ZFHX3: variants seen among roughly 807,000 people sequenced by gnomAD.
ZFHX3 encodes zinc finger homeobox 3.
A neutral mutation model predicts 279.1 loss-of-function variants in ZFHX3; 42 were observed. The ratio of observed to expected loss-of-function variants is 0.15; its 90% confidence interval spans 0.12 to 0.19. ZFHX3 has a LOEUF of 0.19. Among genes scored for constraint, ZFHX3 ranks in the 10% least tolerant of loss-of-function variants. ZFHX3 has a pLI of 1.00. For synonymous variants in ZFHX3, 2,293 were observed against 1,957.8 expected, an observed-to-expected ratio of 1.17 and a Z score of -4.52; for missense variants, 4,981 against 4,754.0, an observed-to-expected ratio of 1.05 and a Z score of -1.40.
chr16:72,867,284 C>T (rs1275604602), intron 4 of ZFHX3, among the ~76,000 whole-genome samples: 1 of 152,168 alleles, frequency 6.6e-6, no homozygotes, highest in East Asian at 1.9e-4. Flanking sequence ...AGTGGTTACA[C>T]AAAATTTAGA....
chr16:73,002,836 A>C (rs192145620), intron 1 of ZFHX3, among the ~76,000 whole-genome samples: 1 of 152,242 alleles, frequency 6.6e-6, no homozygotes, highest in South Asian at 2.1e-4. Context: ...ACATTTTTGC[A>C]AACTTTTAAG....
At chr16:73,197,686 C>A (rs1433386306) in intron 5 of ZFHX3, among the ~76,000 whole-genome samples, 1 of 152,158 alleles carries the variant, frequency 6.6e-6, no homozygotes, top group Non-Finnish European at 1.5e-5. Context: ...TATAGGCAGA[C>A]ACAGCCTGAG....
At chr16:72,940,174 T>C (rs975341419) in intron 3 of ZFHX3, among the ~76,000 whole-genome samples, 3 of 152,158 alleles carry the variant, frequency 2.0e-5, no homozygotes, top group Non-Finnish European at 4.4e-5. Flanking sequence ...AGCCTCCCTG[T>C]GTTGAGTTTA....
intron 1 of ZFHX3, among the ~76,000 whole-genome samples, chr16:73,857,392 A>T (rs545211975): frequency 1.3e-5 from 2 of 152,230 alleles, no homozygotes; most frequent in Non-Finnish European, 2.9e-5. Flanking sequence ...GTGATTGTTT[A>T]TAAAGACTCC....
At chr16:73,387,690 T>A (rs1422398953) in intron 3 of ZFHX3, among the ~76,000 whole-genome samples, 2 of 152,036 alleles carry the variant, frequency 1.3e-5, no homozygotes, top group African/African-American at 4.8e-5. Flanking sequence ...CAGATGTGCC[T>A]CAAGAGGGCT....
chr16:73,756,924 G>T (rs1354136046), intron 1 of ZFHX3, among the ~76,000 whole-genome samples: 1 of 152,112 alleles, frequency 6.6e-6, no homozygotes, highest in Non-Finnish European at 1.5e-5. Flanking sequence ...ACATTATGGG[G>T]ACTTTAGAGA....
chr16:73,091,341 C>A (rs1266002997), intron 8 of ZFHX3, among the ~76,000 whole-genome samples: 1 of 152,068 alleles, frequency 6.6e-6, no homozygotes, highest in African/African-American at 2.4e-5. Flanking sequence ...TTATGGAGAT[C>A]AACAAAGGAG....
chr16:72,923,477 G>C (rs917174356), intron 3 of ZFHX3, among the ~76,000 whole-genome samples: 31 of 149,072 alleles, frequency 2.1e-4, no homozygotes, highest in African/African-American at 6.1e-4. Flanking sequence ...AAGACGCTAT[G>C]AATATATATG....
intron 2 of ZFHX3, among the ~76,000 whole-genome samples, chr16:73,598,183 A>G (rs1229713079): frequency 1.3e-5 from 2 of 152,168 alleles, no homozygotes; most frequent in African/African-American, 4.8e-5. Context: ...TGAGACATAT[A>G]AGACTTCTCA....
At chr16:73,546,828 G>C (rs551986672) in intron 2 of ZFHX3, among the ~76,000 whole-genome samples, 1 of 151,808 alleles carries the variant, frequency 6.6e-6, no homozygotes, top group African/African-American at 2.4e-5. Flanking sequence ...TGGGGGGTGA[G>C]GGGGGAGGGA....
rs568745030 is a variant in ZFHX3, at chr16:73,729,918, A to G, written c.-1607-49678T>C. On this transcript the variant is annotated intron_variant, in intron 1 of 17. Coordinates refer to the ZFHX3 transcript ENST00000641206. The stretch of plus-strand genomic sequence containing the variant: ...TACCAGTTAAGTTAGTGTAAAAAAT[A>G]TGTACAGCTAACTAGACTAAATAAT... Among the ~76,000 whole-genome samples the G allele has an allele frequency of 7.2e-5, 11 of 152,332 alleles. No homozygotes were observed. In the South Asian group the frequency reaches 2.1e-3, roughly 29 times the overall value.
chr16:72,961,854 C>T (rs1173359552), intron 1 of ZFHX3, among the ~76,000 whole-genome samples: 1 of 151,952 alleles, frequency 6.6e-6, no homozygotes, highest in Non-Finnish European at 1.5e-5. Context: ...TTAGAAAGGA[C>T]ATACTGACTT....
intron 2 of ZFHX3, among the ~76,000 whole-genome samples, chr16:73,543,667 G>A (rs556249231): frequency 1.9e-4 from 29 of 152,284 alleles, no homozygotes; most frequent in African/African-American, 6.7e-4. Flanking sequence ...TCACCTCAGG[G>A]TCCGATATTT....
chr16:72,995,998 T>A (rs930448508), intron 1 of ZFHX3, among the ~76,000 whole-genome samples: 1 of 152,170 alleles, frequency 6.6e-6, no homozygotes, highest in East Asian at 1.9e-4. Flanking sequence ...CCAGGTGCGG[T>A]GGCTCACGTC....
At chr16:72,977,111 A>T (rs983769749) in intron 1 of ZFHX3, among the ~76,000 whole-genome samples, 2 of 152,212 alleles carry the variant, frequency 1.3e-5, no homozygotes, top group Non-Finnish European at 2.9e-5. Flanking sequence ...CGAGTTGACA[A>T]GAAAGGATAT....
rs1961473301 is a variant in ZFHX3 at position 72,959,765 on chromosome 16, C to T, written c.381G>A (p.Glu127=). 1 of 1,607,268 alleles carries T rather than the reference C, an allele frequency of 6.2e-7. No homozygotes were observed. Residue 127 remains glutamate, a synonymous_variant, in exon 2 of 10, where the codon GAG becomes GAA. Coordinates refer to ENST00000268489, the MANE Select transcript of ZFHX3 (RefSeq NM_006885.4). The part of the protein sequence containing the change: ...GEEGDEESDV[E]NLAGEIVYQP... The stretch of plus-strand genomic sequence containing the variant: ...GGTAGACGATCTCCCCGGCCAGGTT[C>T]TCCACGTCACTCTCCTCGTCCCCCT...
intron 3 of ZFHX3, among the ~76,000 whole-genome samples, chr16:73,328,042 A>G (rs2015728478): frequency 6.6e-6 from 1 of 152,016 alleles, no homozygotes; most frequent in South Asian, 2.1e-4. Context: ...CTATTTGACC[A>G]TTTTCCTATG....
chr16:73,712,718 A>C (rs1445356749), intron 1 of ZFHX3, among the ~76,000 whole-genome samples: 1 of 152,224 alleles, frequency 6.6e-6, no homozygotes, highest in Non-Finnish European at 1.5e-5. Flanking sequence ...AGGGCTGAGA[A>C]TCAGCATCAG....
intron 7 of ZFHX3, among the ~76,000 whole-genome samples, chr16:72,804,330 G>C (rs941536006): frequency 6.6e-6 from 1 of 152,200 alleles, no homozygotes; most frequent in African/African-American, 2.4e-5. Flanking sequence ...CCAGACAAAA[G>C]TTCCTGTCTC....
Sources: gnomAD v4.1 joint callset for allele counts (sites outside exome capture counted in the v4.1 genomes callset) on GRCh38, gnomAD v4.1.1 for gene constraint, MANE v1.5 for transcripts, NCBI Gene and HGNC (gene_info 2026-07-23, HGNC 2026-07-21) for gene names.